The following FAT4 variants were observed in gnomAD, a reference collection of about 807,000 sequenced individuals.
FAT4 encodes the protein protocadherin Fat 4.
FAT4 carries 84 observed loss-of-function variants against 303.9 expected under a neutral mutation model. That is an observed-to-expected ratio of 0.28 (90% confidence interval 0.23 to 0.33). The LOEUF is 0.33. Ranked by LOEUF, FAT4 falls within the 10% of genes least tolerant of loss-of-function variation. The pLI is 1.00. For missense variants in FAT4, 6,005 were observed against 6,146.8 expected (o/e 0.98, Z 0.77); for synonymous variants, 2,307 against 2,298.8 (o/e 1.00, Z -0.10).
rs1274043535 is a variant in FAT4 at position 125,468,575 on chromosome 4, T to C, written c.11969T>C (p.Phe3990Ser). ...YGFEELSYMEFPSLDPNNNYI... is the reference protein window; with the variant it reads ...YGFEELSYMESPSLDPNNNYI... ...TTTGAGGAGTTATCATACATGGAAT[T>C]TCCAAGCTTGGACCCCAATAACAAC... The change falls in exon 12 of 18, where the codon TTT becomes TCT. Residue 3990 changes from phenylalanine (F) to serine (S), a missense_variant. Physicochemically the swap from Phe to Ser is radical, Grantham distance 155. Coordinates refer to ENST00000394329, the MANE Select transcript of FAT4 (RefSeq NM_001291303.3). 1 of 1,614,064 alleles carries C rather than the reference T, an allele frequency of 6.2e-7. No individual in the cohort carries two copies.
intron 12 of FAT4, among the ~76,000 whole-genome samples, chr4:125,472,475 G>A (rs1726897821): frequency 6.6e-6 from 1 of 151,942 alleles, no homozygotes; most frequent in Non-Finnish European, 1.5e-5. Context: ...AATTTTAAAG[G>A]CTAAAATTTA....
In FAT4 at chr4:125,317,156, G is replaced by A; in HGVS notation, c.745G>A (p.Val249Ile). ...TVQDINDNPPVFGSSHYQAGV... is the reference protein window; with the variant it reads ...TVQDINDNPPIFGSSHYQAGV... ...GCAAGACATTAATGACAACCCCCCG[G>A]TTTTTGGCAGTTCTCACTACCAGGC... The change falls in exon 2 of 18, where the codon GTT (valine) becomes ATT (isoleucine). Residue 249 changes from valine to isoleucine, a missense_variant. By Grantham distance (29) the Val-to-Ile change is conservative (BLOSUM62 3). Transcript: ENST00000394329. The surrounding 1 kb of genome is among the most constrained non-coding windows in gnomAD (Gnocchi z 7.0). 1 of 1,608,302 alleles carries A rather than the reference G, an allele frequency of 6.2e-7. No homozygotes were observed. Among genetic ancestry groups the A allele is most frequent in the Non-Finnish European group, 8.5e-7 (1 of 1,176,032 alleles).
At chr4:125,420,224 T>A (rs1484612622) in intron 7 of FAT4, among the ~76,000 whole-genome samples, 3 of 152,216 alleles carry the variant, frequency 2.0e-5, no homozygotes, top group Non-Finnish European at 2.9e-5. Context: ...ACATAAAATA[T>A]ATGAGTATAT....
rs774880803 is a variant in FAT4, at chr4:125,416,597, C to T, written c.6993C>T (p.Val2331=). The change falls in exon 7 of 18, where the codon GTC becomes GTT. Residue 2331 remains valine, a synonymous_variant. Transcript: ENST00000394329. ...SLDRETKERF[V]LMITATDSGS... ...ATCGGGAAACAAAAGAGCGCTTTGT[C>T]TTAATGATTACAGCTACAGATTCAG... is the stretch of plus-strand genomic sequence containing the variant. The T allele has an allele frequency of 5.0e-6, 8 of 1,613,800 alleles. No homozygotes were observed. The highest frequency in any genetic ancestry group is 6.8e-6 in the Non-Finnish European group (8 of 1,179,832).
At chr4:125,370,046 C>T (rs1383270618) in intron 2 of FAT4, among the ~76,000 whole-genome samples, 1 of 151,270 alleles carries the variant, frequency 6.6e-6, no homozygotes, top group African/African-American at 2.4e-5. Flanking sequence ...TCTCCTTTTT[C>T]CATTGGGCGT....
At chr4:125,412,575 A>G (rs761116034) in intron 5 of FAT4, among the ~76,000 whole-genome samples, 4 of 151,866 alleles carry the variant, frequency 2.6e-5, no homozygotes, top group Admixed American at 6.6e-5. Flanking sequence ...TTGCCTTTAT[A>G]AAAGAGGCTG....
At chr4:125,325,333 A>AATAT (rs1433788348) in intron 2 of FAT4, among the ~76,000 whole-genome samples, 1 of 152,170 alleles carries the variant, frequency 6.6e-6, no homozygotes, top group Non-Finnish European at 1.5e-5. Flanking sequence ...AAAAGTCTTT[A>AATAT]ATATATGACT....
Position 125,318,278 on chromosome 4 carries a change from C to A in FAT4, c.1867C>A (p.Gln623Lys). The A allele has an allele frequency of 6.2e-7, 1 of 1,614,206 alleles. No individual in the cohort carries two copies. Among genetic ancestry groups the A allele is most frequent in the Non-Finnish European group, 8.5e-7 (1 of 1,180,050 alleles). The change falls in exon 2 of 18, where the codon CAA becomes AAA. Residue 623 changes from glutamine to lysine, a missense_variant. Gln to Lys is a moderately conservative substitution (Grantham distance 53, BLOSUM62 1). Transcript: ENST00000394329. Reference protein sequence around the residue: ...GDNGTVRFSLQEAETDRRSFR... With the variant: ...GDNGTVRFSLKEAETDRRSFR... ...CAACGGAACAGTGCGCTTCTCCTTA[C>A]AAGAGGCAGAGACTGACCGGAGGTC...
At chr4:125,480,367 C>G (rs1312302940) in intron 15 of FAT4, among the ~76,000 whole-genome samples, 12 of 152,054 alleles carry the variant, frequency 7.9e-5, no homozygotes, top group African/African-American at 2.9e-4. Flanking sequence ...TTGAATATTA[C>G]TTTTTAAAAT....
Position 125,451,706 on chromosome 4 carries a change from G to A in FAT4, c.10696G>A (p.Gly3566Arg). 1 of 1,614,118 alleles carries A rather than the reference G, an allele frequency of 6.2e-7. No homozygotes were observed. Among genetic ancestry groups the A allele is most frequent in the Admixed American group, 1.7e-5 (1 of 60,014 alleles). ...ATSYFSLSTA[G>R]VLSTTREIDR... ...CAGTTATTTCAGTCTGAGCACTGCT[G>A]GAGTTCTGAGCACAACCAGAGAGAT... Residue 3566 changes from glycine to arginine, a missense_variant, in exon 10 of 18, where the codon GGA becomes AGA. Coordinates refer to ENST00000394329, the MANE Select transcript of FAT4 (RefSeq NM_001291303.3).
chr4:125,435,758 G>A (rs1288331004), intron 8 of FAT4, among the ~76,000 whole-genome samples: 1 of 152,062 alleles, frequency 6.6e-6, no homozygotes, highest in Non-Finnish European at 1.5e-5. Flanking sequence ...TATATGTCAC[G>A]ATACAGAATT....
chr4:125,444,014 T>C (rs559683858), intron 8 of FAT4, among the ~76,000 whole-genome samples: 1 of 152,120 alleles, frequency 6.6e-6, no homozygotes, highest in Non-Finnish European at 1.5e-5. Flanking sequence ...CTAGAAAAAA[T>C]TAATTAGATA....
chr4:125,414,896 A>T lies in FAT4; in HGVS notation c.5933A>T (p.Gln1978Leu), dbSNP rs1417726648. 1 of 1,588,268 alleles carries T rather than the reference A, an allele frequency of 6.3e-7. No homozygotes were observed. The change falls in exon 6 of 18, where the codon CAA (glutamine) becomes CTA (leucine). Residue 1978 changes from glutamine (Q) to leucine (L), a missense_variant. Coordinates refer to ENST00000394329, the MANE Select transcript of FAT4 (RefSeq NM_001291303.3). ...VTDADDGINS[Q>L]LTYSIASGDS... Reference sequence around the variant, plus strand: ...CCTTTAATTTCAGGCATCAACTCTCAATTGACTTATAGCATTGCTTCAGGT... The same window carrying T: ...CCTTTAATTTCAGGCATCAACTCTCTATTGACTTATAGCATTGCTTCAGGT...
rs1266131744 is a variant in FAT4 at position 125,408,766 on chromosome 4, T to G, written c.5892T>G (p.Leu1964=). 2 of 1,562,070 alleles carry G rather than the reference T, an allele frequency of 1.3e-6. No homozygotes were observed. Among genetic ancestry groups the G allele is most frequent in the African/African-American group, 2.7e-5 (2 of 72,884 alleles). ...ATCTACCTGTGGGATCTACTGTTCT[T>G]GTGTTTAATGTTACTGATGCAGATG... The part of the protein sequence containing the change: ...MENLPVGSTV[L]VFNVTDADDG... Residue 1964 remains leucine (L), a synonymous_variant, in exon 5 of 18, where the codon CTT becomes CTG. Coordinates refer to ENST00000394329, the MANE Select transcript of FAT4 (RefSeq NM_001291303.3).
chr4:125,448,162 T>C (rs536357862), intron 9 of FAT4, among the ~76,000 whole-genome samples: 1 of 152,268 alleles, frequency 6.6e-6, no homozygotes, highest in African/African-American at 2.4e-5. Flanking sequence ...ACTATGATTT[T>C]TGAACGATTA....
intron 16 of FAT4, among the ~76,000 whole-genome samples, chr4:125,484,420 T>A (rs1300262366): frequency 6.6e-6 from 1 of 152,190 alleles, no homozygotes; most frequent in Non-Finnish European, 1.5e-5. Context: ...AATAGTAATG[T>A]GATGGACTTT....
At chr4:125,412,972 A>G (rs1734902134) in intron 5 of FAT4, among the ~76,000 whole-genome samples, 1 of 151,826 alleles carries the variant, frequency 6.6e-6, no homozygotes, top group Non-Finnish European at 1.5e-5. Context: ...TTTCTTAAAA[A>G]GTAATTAAAC....
intron 12 of FAT4, among the ~76,000 whole-genome samples, chr4:125,471,065 G>A (rs1726840314): frequency 6.6e-6 from 1 of 152,172 alleles, no homozygotes; most frequent in Non-Finnish European, 1.5e-5. Flanking sequence ...AAGGTACAAG[G>A]AAGCCTGAGG....
intron 10 of FAT4, among the ~76,000 whole-genome samples, chr4:125,455,943 A>G (rs1321831093): frequency 6.6e-6 from 1 of 152,200 alleles, no homozygotes; most frequent in East Asian, 1.9e-4. Context: ...ACATTCACCA[A>G]TGGGCGCAGC....
Sources: gnomAD v4.1 joint callset for allele counts (sites outside exome capture counted in the v4.1 genomes callset) on GRCh38, gnomAD v4.1.1 for gene constraint, Gnocchi (gnomAD v3.1) non-coding constraint, MANE v1.5 for transcripts, NCBI Gene and HGNC (gene_info 2026-07-23, HGNC 2026-07-21) for gene names.